NKAIN1: variants seen among roughly 807,000 people sequenced by gnomAD.
NKAIN1 encodes sodium/potassium transporting ATPase interacting 1.
NKAIN1 carries 13 observed loss-of-function variants against 31.6 expected under a neutral mutation model. The ratio of observed to expected loss-of-function variants is 0.41; its 90% CI spans 0.27 to 0.65. NKAIN1 has a LOEUF of 0.65. Among genes scored for constraint, NKAIN1 ranks in the 30% least tolerant of loss-of-function variants. The pLI is 0.30. For synonymous variants in NKAIN1, 104 were observed against 109.0 expected, an observed-to-expected ratio of 0.95 and a Z score of 0.28; for missense variants, 193 against 262.2, an observed-to-expected ratio of 0.74 and a Z score of 1.82.
chr1:31,185,169 C>T, intron 3 of NKAIN1, 78 bp downstream of exon 3: 3 of 1,170,316 alleles, frequency 2.6e-6, no homozygotes, highest in Non-Finnish European at 2.5e-6. Context: ...TGCTCTGGTC[C>T]TATACCACAG....
intron 1 of NKAIN1, among the ~76,000 whole-genome samples, chr1:31,222,602 G>T (rs943867027): frequency 6.6e-6 from 1 of 152,152 alleles, no homozygotes; most frequent in African/African-American, 2.4e-5. Flanking sequence ...AGGACTCAAT[G>T]CATCCTCTTC....
At chr1:31,236,436 C>T (rs1229266822) in intron 1 of NKAIN1, among the ~76,000 whole-genome samples, 1 of 152,212 alleles carries the variant, frequency 6.6e-6, no homozygotes, top group Non-Finnish European at 1.5e-5. Flanking sequence ...AGATATTTAA[C>T]AGCCTCTTTT....
At chr1:31,206,857 C>T (rs149896451) in intron 1 of NKAIN1, among the ~76,000 whole-genome samples, 1,638 of 152,278 alleles carry the variant, frequency 0.011, 27 homozygotes, top group African/African-American at 0.037. Flanking sequence ...CCTCAGCCTC[C>T]TGAGTAGCTG....
intron 1 of NKAIN1, among the ~76,000 whole-genome samples, chr1:31,221,622 G>A (rs542169604): frequency 1.3e-5 from 2 of 152,060 alleles, no homozygotes; most frequent in South Asian, 2.1e-4. Context: ...TTTTAGTAGA[G>A]CCGGGGTTTC....
chr1:31,186,759 C>T (rs1271928512), intron 2 of NKAIN1, among the ~76,000 whole-genome samples: 1 of 152,218 alleles, frequency 6.6e-6, no homozygotes, highest in Non-Finnish European at 1.5e-5. Context: ...ATGTGCCCCG[C>T]TCCAGCAATC....
At chr1:31,218,922 C>A (rs991126976) in intron 1 of NKAIN1, among the ~76,000 whole-genome samples, 1 of 152,166 alleles carries the variant, frequency 6.6e-6, no homozygotes, top group African/African-American at 2.4e-5. Context: ...GGCTGCTGAC[C>A]AGCAGACAGG....
At chr1:31,196,222 T>C (rs1456380437) in intron 1 of NKAIN1, among the ~76,000 whole-genome samples, 1 of 150,084 alleles carries the variant, frequency 6.7e-6, no homozygotes, top group African/African-American at 2.5e-5. Flanking sequence ...CTACTAAAAA[T>C]ACAAAAATTG....
intron 1 of NKAIN1, among the ~76,000 whole-genome samples, chr1:31,215,771 T>G (rs1226101110): frequency 6.6e-6 from 1 of 152,114 alleles, no homozygotes; most frequent in African/African-American, 2.4e-5. Context: ...AGGCCATGAG[T>G]GGTGCATCTC....
chr1:31,210,180 C>T (rs577503263), intron 1 of NKAIN1, among the ~76,000 whole-genome samples: 1 of 152,078 alleles, frequency 6.6e-6, no homozygotes, highest in Non-Finnish European at 1.5e-5. Context: ...GCTCAGCGCC[C>T]TCCTTTTCCC....
chr1:31,224,250 T>C (rs1338240404), intron 1 of NKAIN1, among the ~76,000 whole-genome samples: 1 of 152,184 alleles, frequency 6.6e-6, no homozygotes, highest in Non-Finnish European at 1.5e-5. Context: ...TCTAATTGCT[T>C]TCTTCCAGGC....
chr1:31,234,171 T>G (rs1645678064), intron 1 of NKAIN1, among the ~76,000 whole-genome samples: 1 of 152,214 alleles, frequency 6.6e-6, no homozygotes, highest in African/African-American at 2.4e-5. Flanking sequence ...CTGCCAACTC[T>G]GTCCAAAGGG....
At position 31,181,504 on chromosome 1, in the gene NKAIN1, G is replaced by C. The variant is rs1350509360; in HGVS notation, c.*199C>G. ...CCCGCCCCACTCCTCCGAAGTCCGGGCTGCGAAGAGCCAAGCTCAAATCCA... is the reference window on the plus strand; with the variant it reads ...CCCGCCCCACTCCTCCGAAGTCCGGCCTGCGAAGAGCCAAGCTCAAATCCA... On this transcript the variant is annotated 3_prime_UTR_variant, in exon 7 of 7. Coordinates refer to ENST00000373736, the MANE Select transcript of NKAIN1 (RefSeq NM_024522.3). 2.2e-6 allele frequency: 1 copy of C among 452,176 alleles called. No individual in the cohort carries two copies. Among genetic ancestry groups the C allele is most frequent in the Non-Finnish European group, 3.8e-6 (1 of 263,198 alleles). 28.0% of individuals were successfully genotyped at this position (452,176 alleles called of 1,614,324 possible). A position where few individuals can be genotyped will look rare whatever the true frequency, so the allele number is the denominator to read the frequency against.
intron 1 of NKAIN1, among the ~76,000 whole-genome samples, chr1:31,217,761 C>T (rs1333677943): frequency 6.6e-6 from 1 of 152,216 alleles, no homozygotes; most frequent in Non-Finnish European, 1.5e-5. Context: ...CCTGTCCTCT[C>T]CTGGGGCAGT....
At position 31,239,382 on chromosome 1, in the gene NKAIN1, G is replaced by A; in HGVS notation, c.54+112C>T. 1 of 750,028 alleles carries A rather than the reference G, an allele frequency of 1.3e-6. No individual in the cohort carries two copies. The highest frequency in any genetic ancestry group is 1.9e-6 in the Non-Finnish European group (1 of 533,886). The allele number at this position is 750,028 out of a possible 1,614,324, so 46.5% of individuals were successfully genotyped here. On this transcript the variant is annotated intron_variant, in intron 1 of 6. Transcript: ENST00000373736. The surrounding 1 kb of genome is among the most constrained non-coding windows in gnomAD (Gnocchi z 4.8). The stretch of plus-strand genomic sequence containing the variant: ...AGACTCCAGACCACCCCCCGCCCGG[G>A]CACACGCACCAGACACACACACAGA...
At chr1:31,205,240 C>T (rs1429901570) in intron 1 of NKAIN1, among the ~76,000 whole-genome samples, 3 of 152,052 alleles carry the variant, frequency 2.0e-5, no homozygotes, top group Non-Finnish European at 4.4e-5. Flanking sequence ...ACACAATTCT[C>T]CTGCCCCAGC....
intron 1 of NKAIN1, among the ~76,000 whole-genome samples, chr1:31,197,631 C>G (rs1042351968): frequency 6.9e-6 from 1 of 145,914 alleles, no homozygotes. Context: ...GCTGCAACCT[C>G]TATCTCCCGG....
chr1:31,227,105 G>A (rs1378520469), intron 1 of NKAIN1, among the ~76,000 whole-genome samples: 1 of 152,220 alleles, frequency 6.6e-6, no homozygotes, highest in Non-Finnish European at 1.5e-5. Flanking sequence ...GATTACAGGT[G>A]TGAACCACTG....
At position 31,179,938 on chromosome 1, in the gene NKAIN1, G is replaced by T. The variant is rs556172742; in HGVS notation, c.*1765C>A. 2 of 152,784 alleles carry T rather than the reference G, an allele frequency of 1.3e-5. No homozygotes were observed. Among genetic ancestry groups the T allele is most frequent in the African/African-American group, 4.8e-5 (2 of 41,592 alleles). The allele number at this position is 152,784 out of a possible 1,614,324, so 9.5% of individuals were successfully genotyped here. On this transcript the variant is annotated 3_prime_UTR_variant, in exon 7 of 7. Coordinates refer to ENST00000373736, the MANE Select transcript of NKAIN1 (RefSeq NM_024522.3). ...GGCTTGGGGGAGAGTTGGGGTGAGAGAGGTGAGGGCTGGAGGCAGGGCTGG... is the reference window on the plus strand; with the variant it reads ...GGCTTGGGGGAGAGTTGGGGTGAGATAGGTGAGGGCTGGAGGCAGGGCTGG...
At chr1:31,186,125 G>A (rs554763761) in intron 2 of NKAIN1, among the ~76,000 whole-genome samples, 111 of 151,798 alleles carry the variant, frequency 7.3e-4, no homozygotes, top group Non-Finnish European at 5.9e-4. Context: ...CACTTTGGGA[G>A]GCCAAGGTGG....
Sources: gnomAD v4.1 joint callset for allele counts (sites outside exome capture counted in the v4.1 genomes callset) on GRCh38, gnomAD v4.1.1 for gene constraint, Gnocchi (gnomAD v3.1) non-coding constraint, MANE v1.5 for transcripts, NCBI Gene and HGNC (gene_info 2026-07-23, HGNC 2026-07-21) for gene names.